The following FLT3 variants were observed in gnomAD, a reference collection of about 807,000 sequenced individuals.
FLT3 encodes receptor-type tyrosine-protein kinase FLT3.
A neutral mutation model predicts 126.6 loss-of-function variants in FLT3; 46 were observed. The ratio of observed to expected loss-of-function variants is 0.36; its 90% CI spans 0.29 to 0.46. FLT3 has a LOEUF of 0.46. Among genes scored for constraint, FLT3 ranks in the 20% least tolerant of loss-of-function variants. The pLI, the probability that FLT3 is intolerant of heterozygous loss-of-function variation, is 1.00. For missense variants in FLT3, 1,069 were observed against 1,190.3 expected, an observed-to-expected ratio of 0.90 and a Z score of 1.50; for synonymous variants, 404 against 434.4, an observed-to-expected ratio of 0.93 and a Z score of 0.87.
chr13:28,030,190 A>T (rs1873192837), intron 15 of FLT3, among the ~76,000 whole-genome samples: 1 of 152,156 alleles, frequency 6.6e-6, no homozygotes, highest in South Asian at 2.1e-4. Flanking sequence ...GCAAGCTCTC[A>T]GGGGTATCCT....
chr13:28,015,078 T>A lies in FLT3; in HGVS notation c.2753+79A>T, dbSNP rs373942905. 1.4e-4 allele frequency: 119 copies of A among 867,066 alleles called. 3 individuals carry two copies. The South Asian group carries it at 1.7e-3, about 12-fold the overall frequency. The allele number at this position is 867,066 out of a possible 1,614,324, so 53.7% of individuals were successfully genotyped here. A position where few individuals can be genotyped will look rare whatever the true frequency, so the allele number is the denominator to read the frequency against. On this transcript the variant is annotated intron_variant, in intron 22 of 23. Transcript: ENST00000241453. The stretch of plus-strand genomic sequence containing the variant: ...TACGCTTTGCACTAAGGAGTTTGAC[T>A]TTTTTTGGTCATGCATTTGGAAGTA...
chr13:28,070,489 A>G lies in FLT3; in HGVS notation c.165+2T>C. The G allele has an allele frequency of 6.2e-7, 1 of 1,608,396 alleles. No homozygotes were observed. The highest frequency in any genetic ancestry group is 2.2e-5 in the East Asian group (1 of 44,800). On this transcript the variant is annotated splice_donor_variant, in intron 2 of 23. Coordinates refer to ENST00000241453, the MANE Select transcript of FLT3 (RefSeq NM_004119.3). LOFTEE classifies it high-confidence loss of function. ...AAAGGTATAATTTTAATGTTACTTT[A>G]CCATGGGATATGATGATGACTTCCC...
chr13:28,080,806 T>C (rs1878259190), intron 1 of FLT3, among the ~76,000 whole-genome samples: 1 of 152,238 alleles, frequency 6.6e-6, no homozygotes, highest in Admixed American at 6.5e-5. Context: ...CCATTTTCAA[T>C]TAACTTTTCA....
At chr13:28,089,399 C>A (rs761046525) in intron 1 of FLT3, among the ~76,000 whole-genome samples, 1 of 151,134 alleles carries the variant, frequency 6.6e-6, no homozygotes. Context: ...TACACAAAAA[C>A]CTGTATTCAA....
At chr13:28,008,962 T>C (rs995979346) in intron 23 of FLT3, among the ~76,000 whole-genome samples, 3 of 152,144 alleles carry the variant, frequency 2.0e-5, no homozygotes, top group Admixed American at 2.0e-4. Context: ...TATTTTTGTA[T>C]TTTCAATTTT....
intron 4 of FLT3, among the ~76,000 whole-genome samples, chr13:28,055,537 T>C (rs780708103): frequency 6.6e-6 from 1 of 152,264 alleles, no homozygotes; most frequent in African/African-American, 2.4e-5. Context: ...TGGTGGTTAA[T>C]ACTGAGCTTG....
At chr13:28,023,829 C>G (rs2137641207) in intron 18 of FLT3, among the ~76,000 whole-genome samples, 1 of 151,868 alleles carries the variant, frequency 6.6e-6, no homozygotes, top group South Asian at 2.1e-4. Context: ...GAGTCTCGCT[C>G]TGTCGCCCAG....
rs779344671 is a variant in FLT3 at position 28,061,859 on chromosome 13, C to T, written c.368+8G>A. On this transcript the variant is annotated splice_region_variant and intron_variant, in intron 3 of 23. Coordinates refer to ENST00000241453, the MANE Select transcript of FLT3 (RefSeq NM_004119.3). ...CATTTTATGTCAAGAAGGTATTCCTCCACTTACCTGTTTTGTAAATCAAAA... is the reference window on the plus strand; with the variant it reads ...CATTTTATGTCAAGAAGGTATTCCTTCACTTACCTGTTTTGTAAATCAAAA... 1.6e-5 allele frequency: 25 copies of T among 1,606,572 alleles called. No homozygotes were observed. The highest frequency in any genetic ancestry group is 2.0e-5 in the Non-Finnish European group (24 of 1,173,496).
intron 1 of FLT3, among the ~76,000 whole-genome samples, chr13:28,082,826 C>T (rs1354668643): frequency 6.6e-6 from 1 of 152,060 alleles, no homozygotes; most frequent in African/African-American, 2.4e-5. Flanking sequence ...GCCTCAGCCT[C>T]CCGAGTAGCT....
intron 9 of FLT3, 34 bp from the exon 10 acceptor site, chr13:28,037,322 C>A (rs779732953): frequency 7.8e-7 from 1 of 1,281,938 alleles, no homozygotes; most frequent in Non-Finnish European, 1.1e-6. Flanking sequence ...AGATTTAGCC[C>A]AATTGCTACA....
At chr13:28,069,635 C>T (rs553057484) in intron 2 of FLT3, among the ~76,000 whole-genome samples, 1 of 152,100 alleles carries the variant, frequency 6.6e-6, no homozygotes, top group Non-Finnish European at 1.5e-5. Flanking sequence ...ATACAACCAA[C>T]CACAGATTGA....
intron 20 of FLT3, 79 bp from the exon 21 acceptor site, chr13:28,015,780 A>G (rs1178087289): frequency 2.4e-6 from 2 of 835,100 alleles, no homozygotes; most frequent in African/African-American, 3.4e-5. Flanking sequence ...ATTAAGATGA[A>G]ATGCATCATC....
chr13:28,009,937 T>C (rs957880986), intron 23 of FLT3, among the ~76,000 whole-genome samples: 1 of 152,058 alleles, frequency 6.6e-6, no homozygotes, highest in Non-Finnish European at 1.5e-5. Flanking sequence ...GTGATGTTAG[T>C]TCAGACCCCT....
rs369223040 is a variant in FLT3, at chr13:28,034,016, T to C, written c.1838-25A>G. 2.3e-5 allele frequency: 37 copies of C among 1,613,196 alleles called. 1 individual carries two copies. The African/African-American group carries it at 3.7e-4, about 16-fold the overall frequency. On this transcript the variant is annotated intron_variant, in intron 14 of 23. Transcript: ENST00000241453. ...CCTGCAAAGACAAATGGTGAGTACG[T>C]GCATTTTAAAGATTTTCCAATGGAA...
At position 28,015,584 on chromosome 13, in the gene FLT3, A is replaced by G. The variant is rs1871778053; in HGVS notation, c.2653+6T>C. 1 of 1,583,864 alleles carries G rather than the reference A, an allele frequency of 6.3e-7. No individual in the cohort carries two copies. The highest frequency in any genetic ancestry group is 8.7e-7 in the Non-Finnish European group (1 of 1,153,852). ...GCCAAGGGAGGCCAGCAGCTGCCCA[A>G]CTTACCAAGTGAGAAGATTTCCCAC... On this transcript the variant is annotated splice_donor_region_variant and intron_variant, in intron 21 of 23. Transcript: ENST00000241453.
chr13:28,025,041 T>G, intron 17 of FLT3, 98 bp from the exon 18 acceptor site: 1 of 736,622 alleles, frequency 1.4e-6, no homozygotes, highest in Non-Finnish European at 2.4e-6. Context: ...ATTCCAGTTA[T>G]AAATTGACTT....
Position 28,100,543 on chromosome 13 carries a change from C to T in FLT3, c.-33G>A. 2.5e-6 allele frequency: 3 copies of T among 1,206,356 alleles called. No homozygotes were observed. Among genetic ancestry groups the T allele is most frequent in the Non-Finnish European group, 3.1e-6 (3 of 970,200 alleles). The allele number at this position is 1,206,356 out of a possible 1,614,324, so 74.7% of individuals were successfully genotyped here. A position where few individuals can be genotyped will look rare whatever the true frequency, so the allele number is the denominator to read the frequency against. ...GGAGCCCGGGGTCCCCAGGCCGCGC[C>T]GGCCCAGCCCTGCGATGCCGCCTGG... On this transcript the variant is annotated 5_prime_UTR_variant, in exon 1 of 24. Transcript: ENST00000241453. This position sits in a 1 kb window ranked among gnomAD's most constrained non-coding sequence, Gnocchi z 4.8.
intron 17 of FLT3, among the ~76,000 whole-genome samples, chr13:28,025,974 C>G (rs1455166950): frequency 1.3e-5 from 2 of 152,044 alleles, no homozygotes; most frequent in African/African-American, 2.4e-5. Flanking sequence ...CCCTAAAAAG[C>G]CCCTGGTAAA....
chr13:28,016,159 G>C (rs1229542434), intron 20 of FLT3, among the ~76,000 whole-genome samples: 1 of 152,154 alleles, frequency 6.6e-6, no homozygotes, highest in Non-Finnish European at 1.5e-5. Flanking sequence ...GGCTTCTGTG[G>C]CTTTAATAAT....
Sources: allele counts gnomAD v4.1 joint callset (sites outside exome capture counted in the v4.1 genomes callset), GRCh38; gene constraint gnomAD v4.1.1; non-coding constraint Gnocchi (gnomAD v3.1); transcripts MANE v1.5; gene names NCBI Gene and HGNC (gene_info 2026-07-23, HGNC 2026-07-21).